CNOT6L: variants seen among roughly 807,000 people sequenced by gnomAD.
The protein encoded by CNOT6L is CCR4-NOT transcription complex subunit 6-like.
In CNOT6L, 7 loss-of-function variants were observed where a neutral mutation model predicts 64.0. That is an observed-to-expected ratio of 0.11 (90% CI 0.06 to 0.21). The LOEUF (loss-of-function observed/expected upper bound fraction) is 0.21, where lower values mean the gene tolerates loss of function less well. CNOT6L is among the 10% of genes least tolerant of loss of function. CNOT6L has a pLI of 1.00. For missense variants in CNOT6L, 245 were observed against 669.0 expected, an observed-to-expected ratio of 0.37 and a Z score of 6.99; for synonymous variants, 193 against 243.4, an observed-to-expected ratio of 0.79 and a Z score of 1.93.
At chr4:77,812,858 T>C (rs1733113291) in intron 1 of CNOT6L, among the ~76,000 whole-genome samples, 1 of 152,084 alleles carries the variant, frequency 6.6e-6, no homozygotes, top group Non-Finnish European at 1.5e-5. Context: ...GAGATTCAAA[T>C]AGCCAAAACA....
At chr4:77,779,046 C>CAAAAAAAAAAAAAAAAAAAAA (rs747920305) in intron 1 of CNOT6L, among the ~76,000 whole-genome samples, 3 of 67,124 alleles carry the variant, frequency 4.5e-5, no homozygotes, top group Non-Finnish European at 5.6e-5. Flanking sequence ...GACTCTGTCT[C>CAAAAAAAAAAAAAAAAAAAAA]AAAAAAAAAA....
In CNOT6L at chr4:77,742,131, C is replaced by T. The variant is rs1488062873; in HGVS notation, c.872+10G>A. ...AAAGTACACCATTGTGCTTTGTTTCCTTAACTTACTTTTCTGTTTTGAAGA... is the reference window on the plus strand; with the variant it reads ...AAAGTACACCATTGTGCTTTGTTTCTTTAACTTACTTTTCTGTTTTGAAGA... On this transcript the variant is annotated intron_variant, in intron 8 of 11. Transcript: ENST00000504123. The T allele has an allele frequency of 6.2e-7, 1 of 1,609,388 alleles. No homozygotes were observed. The highest frequency in any genetic ancestry group is 1.7e-4 in the Middle Eastern group (1 of 6,040).
intron 1 of CNOT6L, among the ~76,000 whole-genome samples, chr4:77,803,149 C>A (rs1731787701): frequency 6.6e-6 from 1 of 150,914 alleles, no homozygotes; most frequent in African/African-American, 2.4e-5. Flanking sequence ...ACAGAGACAC[C>A]CAATAGAAAA....
At chr4:77,817,574 G>A (rs1733715489) in intron 1 of CNOT6L, among the ~76,000 whole-genome samples, 1 of 152,170 alleles carries the variant, frequency 6.6e-6, no homozygotes, top group Non-Finnish European at 1.5e-5. Context: ...TGATAAAACT[G>A]TGGCTTATAG....
At chr4:77,809,843 C>A (rs1033647483) in intron 1 of CNOT6L, among the ~76,000 whole-genome samples, 9 of 151,956 alleles carry the variant, frequency 5.9e-5, no homozygotes, top group Non-Finnish European at 1.3e-4. Context: ...GTTCTCTCTG[C>A]AAAAGATGAA....
At chr4:77,777,043 C>A (rs1728227322) in intron 1 of CNOT6L, among the ~76,000 whole-genome samples, 2 of 152,188 alleles carry the variant, frequency 1.3e-5, no homozygotes, top group Admixed American at 1.3e-4. Context: ...CTGTAGCACA[C>A]CCAAATACTG....
chr4:77,763,967 A>G (rs1380471984), intron 4 of CNOT6L, among the ~76,000 whole-genome samples: 1 of 152,228 alleles, frequency 6.6e-6, no homozygotes, highest in African/African-American at 2.4e-5. Context: ...TAGTGTATGC[A>G]ACAAAAAAGT....
intron 1 of CNOT6L, among the ~76,000 whole-genome samples, chr4:77,792,288 T>C (rs1730246140): frequency 6.6e-6 from 1 of 152,122 alleles, no homozygotes; most frequent in Non-Finnish European, 1.5e-5. Flanking sequence ...ATGGCAACTA[T>C]AGAGGCAAAA....
intron 4 of CNOT6L, among the ~76,000 whole-genome samples, chr4:77,763,162 A>G (rs1726433904): frequency 6.6e-6 from 1 of 152,098 alleles, no homozygotes; most frequent in Non-Finnish European, 1.5e-5. Flanking sequence ...TAGGACAGCA[A>G]TAACAAAAAT....
Position 77,811,170 on chromosome 4 carries a change from A to G in CNOT6L, c.5+8134T>C, listed in dbSNP as rs1175011592. Among the ~76,000 whole-genome samples the G allele has an allele frequency of 2.0e-5, 3 of 152,216 alleles. 1 individual carries two copies. The highest frequency in any genetic ancestry group is 7.2e-5 in the African/African-American group (3 of 41,456). ...ATTTTTCAAAAGAAAGGATACTTCCACTGCTCAAAAAATCTTAATTATACA... is the reference window on the plus strand; with the variant it reads ...ATTTTTCAAAAGAAAGGATACTTCCGCTGCTCAAAAAATCTTAATTATACA... On this transcript the variant is annotated intron_variant, in intron 1 of 11. Transcript: ENST00000504123.
Position 77,755,245 on chromosome 4 carries a change from T to G in CNOT6L, c.490+1617A>C, listed in dbSNP as rs1036324796. 1.4e-4 allele frequency among the ~76,000 whole-genome samples: 19 copies of G among 132,036 alleles called. 2 individuals are homozygous for G. Among genetic ancestry groups the G allele is most frequent in the East Asian group, 6.6e-4 (3 of 4,540 alleles). The allele number at this position is 132,036 out of a possible 152,430, so 86.6% of individuals were successfully genotyped here. Reference sequence around the variant, plus strand: ...AGAGTTTTTTTTTTTTTTTTTTTTTTTTTTTTTTTTTTTGAGACGGAGTCT... The same window carrying G: ...AGAGTTTTTTTTTTTTTTTTTTTTTGTTTTTTTTTTTTTGAGACGGAGTCT... On this transcript the variant is annotated intron_variant, in intron 5 of 11. Transcript: ENST00000504123.
chr4:77,769,638 T>C (rs1221588029), intron 4 of CNOT6L, among the ~76,000 whole-genome samples: 6 of 152,186 alleles, frequency 3.9e-5, no homozygotes, highest in East Asian at 3.8e-4. Flanking sequence ...AGTGCATTTT[T>C]TTAAAACAGG....
At chr4:77,752,280 C>G (rs1408091380) in intron 5 of CNOT6L, among the ~76,000 whole-genome samples, 1 of 151,686 alleles carries the variant, frequency 6.6e-6, no homozygotes, top group Non-Finnish European at 1.5e-5. Context: ...AATTGAAAAG[C>G]TGAAATAACT....
At chr4:77,799,253 C>A (rs1444107216) in intron 1 of CNOT6L, among the ~76,000 whole-genome samples, 1 of 152,112 alleles carries the variant, frequency 6.6e-6, no homozygotes, top group Non-Finnish European at 1.5e-5. Context: ...CACATCAAGT[C>A]CCTGTTTCTA....
chr4:77,721,164 A>C (rs1721231417), intron 11 of CNOT6L, among the ~76,000 whole-genome samples: 1 of 152,232 alleles, frequency 6.6e-6, no homozygotes, highest in Non-Finnish European at 1.5e-5. Flanking sequence ...TGCTACATAC[A>C]TACAAAACAC....
intron 5 of CNOT6L, among the ~76,000 whole-genome samples, chr4:77,748,924 T>C (rs529378954): frequency 1.4e-4 from 21 of 152,318 alleles, no homozygotes; most frequent in African/African-American, 4.8e-4. Flanking sequence ...AGGCACTTGT[T>C]AGACATTAAT....
At chr4:77,761,580 G>T (rs929529847) in intron 4 of CNOT6L, among the ~76,000 whole-genome samples, 5 of 152,164 alleles carry the variant, frequency 3.3e-5, no homozygotes, top group African/African-American at 7.2e-5. Flanking sequence ...TATTCAACTT[G>T]CATTAATGAC....
intron 11 of CNOT6L, among the ~76,000 whole-genome samples, chr4:77,721,456 C>G (rs779564101): frequency 1.6e-4 from 24 of 151,902 alleles, no homozygotes; most frequent in Non-Finnish European, 3.1e-4. Flanking sequence ...TAGCCTGAGC[C>G]CAAGTAGGGA....
At chr4:77,804,422 C>T (rs1397318981) in intron 1 of CNOT6L, among the ~76,000 whole-genome samples, 1 of 149,478 alleles carries the variant, frequency 6.7e-6, no homozygotes, top group Non-Finnish European at 1.5e-5. Context: ...CAGCAAGACC[C>T]CATCTCAAAA....
Sources: allele counts gnomAD v4.1 joint callset (sites outside exome capture counted in the v4.1 genomes callset), GRCh38; gene constraint gnomAD v4.1.1; transcripts MANE v1.5; gene names NCBI Gene and HGNC (gene_info 2026-07-23, HGNC 2026-07-21).